Variants in LMO7 observed in about 807,000 individuals in gnomAD.
LMO7 encodes the protein LIM domain 7, also known as LIM domain only protein 7.
A neutral mutation model predicts 206.5 loss-of-function variants in LMO7; 120 were observed. That is an observed-to-expected ratio of 0.58 (90% CI 0.50 to 0.68). The LOEUF is 0.68. LMO7 is among the 30% of genes least tolerant of loss of function. The probability of loss-of-function intolerance (pLI) is 0.00; values close to 1 mark genes in which losing one functional copy is unlikely to be tolerated. For missense variants in LMO7, 1,959 were observed against 1,957.9 expected, an observed-to-expected ratio of 1.00 and a Z score of -0.01; for synonymous variants, 706 against 681.5, an observed-to-expected ratio of 1.04 and a Z score of -0.56.
At chr13:75,732,896 CCT>C (rs1416520644) in intron 3 of LMO7, among the ~76,000 whole-genome samples, 6 of 152,260 alleles carry the variant, frequency 3.9e-5, no homozygotes, top group African/African-American at 9.6e-5. Context: ...CACTCCAGAC[CCT>C]GTTTGCCTGG....
At chr13:75,848,852 T>C (rs1014423115) in intron 26 of LMO7, 27 of 465,222 alleles carry the variant, frequency 5.8e-5, no homozygotes, top group African/African-American at 5.3e-4. Flanking sequence ...CCATAGTGGT[T>C]GTACTAGTTT....
At chr13:75,679,844 G>A (rs1862339308) in intron 1 of LMO7, among the ~76,000 whole-genome samples, 1 of 152,192 alleles carries the variant, frequency 6.6e-6, no homozygotes, top group Non-Finnish European at 1.5e-5. Context: ...GCCTCTCAAA[G>A]TGCTGGGATT....
chr13:75,781,477 A>T (rs1293873655), intron 4 of LMO7, among the ~76,000 whole-genome samples: 1 of 151,604 alleles, frequency 6.6e-6, no homozygotes, highest in Non-Finnish European at 1.5e-5. Flanking sequence ...TTATGGCTGC[A>T]TAGTATTCCA....
At chr13:75,794,549 A>G (rs781464680) in intron 4 of LMO7, among the ~76,000 whole-genome samples, 2 of 152,184 alleles carry the variant, frequency 1.3e-5, no homozygotes, top group African/African-American at 2.4e-5. Flanking sequence ...ATTTTATCTT[A>G]AAGTATACTA....
chr13:75,823,629 T>C lies in LMO7; in HGVS notation c.2705T>C (p.Val902Ala). ...ATTAAGAGAACTCCAAACAATGTGG[T>C]CAGCACCCCTGCACCAAGCCCGGAC... The part of the protein sequence containing the change: ...EDIKRTPNNV[V>A]STPAPSPDAS... Residue 902 changes from valine (V) to alanine (A), a missense_variant, in exon 15 of 31, where the codon GTC becomes GCC. By Grantham distance (64) the Val-to-Ala change is moderately conservative (BLOSUM62 0). Coordinates refer to ENST00000377534, the MANE Select transcript of LMO7 (RefSeq NM_001306080.2). 6.2e-7 allele frequency: 1 copy of C among 1,614,108 alleles called. No homozygotes were observed. Among genetic ancestry groups the C allele is most frequent in the South Asian group, 1.1e-5 (1 of 91,080 alleles).
At chr13:75,848,914 A>T (rs1033541763) in intron 26 of LMO7, 165 bp from the exon 27 acceptor site, 13 of 583,766 alleles carry the variant, frequency 2.2e-5, no homozygotes, top group African/African-American at 7.5e-5. Context: ...ATTCACACCA[A>T]CGTCTATTAT....
chr13:75,690,762 G>A (rs2041400673), intron 1 of LMO7, among the ~76,000 whole-genome samples: 1 of 152,156 alleles, frequency 6.6e-6, no homozygotes, highest in African/African-American at 2.4e-5. Flanking sequence ...TTAGTTTAAG[G>A]TGTGGTTTTC....
At chr13:75,632,862 G>GTTTTTTTTTTTTTTTTTTTTTTT (rs10690832), upstream of LMO7, among the ~76,000 whole-genome samples, 335 of 102,130 alleles carry the variant, frequency 3.3e-3, 37 homozygotes, top group African/African-American at 5.0e-3. Flanking sequence ...TTACTTAAAA[G>GTTTTTTTTTTTTTTTTTTTTTTT]TTTTTTTTTT....
Position 75,623,328 on chromosome 13 carries a change from T to G in LMO7, c.225+8T>G, listed in dbSNP as rs2033574214. On this transcript the variant is annotated splice_region_variant and intron_variant, in intron 2 of 29. Transcript: ENST00000341547. ...AGGACTATTCTCATTAAGGTAATAT[T>G]TTTCTGTATTTTCTAAGGCAGAATC... is the stretch of plus-strand genomic sequence containing the variant. The G allele has an allele frequency of 5.9e-6, 8 of 1,344,672 alleles. No individual in the cohort carries two copies. The East Asian group carries it at 1.9e-4, about 31-fold the overall frequency. 83.3% of individuals were successfully genotyped at this position (1,344,672 alleles called of 1,614,324 possible). A position where few individuals can be genotyped will look rare whatever the true frequency, so the allele number is the denominator to read the frequency against.
At chr13:75,720,095 G>A (rs2043893451) in intron 2 of LMO7, among the ~76,000 whole-genome samples, 1 of 152,104 alleles carries the variant, frequency 6.6e-6, no homozygotes, top group Non-Finnish European at 1.5e-5. Context: ...CATATGATGT[G>A]GAGCATCTTT....
chr13:75,681,643 T>G (rs2040489782), intron 1 of LMO7, among the ~76,000 whole-genome samples: 1 of 149,066 alleles, frequency 6.7e-6, no homozygotes, highest in African/African-American at 2.4e-5. Context: ...GATCTGCTTT[T>G]AGTCCTTATA....
At chr13:75,646,540 A>G (rs1014365831) in intron 1 of LMO7, among the ~76,000 whole-genome samples, 2 of 149,120 alleles carry the variant, frequency 1.3e-5, no homozygotes, top group Non-Finnish European at 3.0e-5. Flanking sequence ...CTGTGCTCAT[A>G]CTGGCTTCCA....
chr13:75,678,507 G>A (rs770706137), intron 1 of LMO7, among the ~76,000 whole-genome samples: 1 of 152,106 alleles, frequency 6.6e-6, no homozygotes, highest in Non-Finnish European at 1.5e-5. Flanking sequence ...GTTTCCAAAT[G>A]GGGCTCTGTG....
At chr13:75,746,658 G>T (rs2046868528) in intron 3 of LMO7, among the ~76,000 whole-genome samples, 1 of 152,118 alleles carries the variant, frequency 6.6e-6, no homozygotes, top group Admixed American at 6.6e-5. Context: ...CCTGTAGACG[G>T]GAGTTTCTGG....
chr13:75,656,936 C>T (rs960329343), intron 1 of LMO7, among the ~76,000 whole-genome samples: 8 of 152,176 alleles, frequency 5.3e-5, no homozygotes, highest in African/African-American at 9.7e-5. Context: ...CCCTAGCCCC[C>T]GGTACCGCAG....
intron 11 of LMO7, 92 bp downstream of exon 11, chr13:75,809,275 G>T: frequency 9.3e-7 from 1 of 1,079,502 alleles, no homozygotes; most frequent in South Asian, 1.3e-5. Flanking sequence ...TCACTAAATG[G>T]GGTTGTTGTG....
Position 75,821,193 on chromosome 13 carries a change from A to C in LMO7, c.2224A>C (p.Lys742Gln), listed in dbSNP as rs765823477. 1 of 1,601,754 alleles carries C rather than the reference A, an allele frequency of 6.2e-7. No individual in the cohort carries two copies. The highest frequency in any genetic ancestry group is 1.1e-5 in the South Asian group (1 of 88,616). ...TCCGCTAAGGGAATCCCAAAATCAAAAGTCTACAGTTCCGTCAAGAAGGAG... is the reference window on the plus strand; with the variant it reads ...TCCGCTAAGGGAATCCCAAAATCAACAGTCTACAGTTCCGTCAAGAAGGAG... The part of the protein sequence containing the change: ...MLQDRESQNQ[K>Q]STVPSRRRMY... The change falls in exon 14 of 31, where the codon AAG becomes CAG. Residue 742 changes from lysine (K) to glutamine (Q), a missense_variant. By Grantham distance (53) the Lys-to-Gln change is moderately conservative. Transcript: ENST00000377534.
At chr13:75,763,981 T>G (rs2048529645) in intron 4 of LMO7, among the ~76,000 whole-genome samples, 1 of 152,128 alleles carries the variant, frequency 6.6e-6, no homozygotes, top group Non-Finnish European at 1.5e-5. Context: ...AGAGCTAGAG[T>G]ATTCTTTATA....
chr13:75,698,935 A>G (rs2042086010), intron 1 of LMO7, among the ~76,000 whole-genome samples: 1 of 152,190 alleles, frequency 6.6e-6, no homozygotes, highest in Non-Finnish European at 1.5e-5. Flanking sequence ...CATTTTCACC[A>G]AAGAAAACAT....
Sources: gnomAD v4.1 joint callset for allele counts (sites outside exome capture counted in the v4.1 genomes callset) on GRCh38, gnomAD v4.1.1 for gene constraint, MANE v1.5 for transcripts, NCBI Gene and HGNC (gene_info 2026-07-23, HGNC 2026-07-21) for gene names.